Variants in IGF2BP3 observed in about 807,000 individuals in gnomAD.
The protein encoded by IGF2BP3 is insulin-like growth factor 2 mRNA-binding protein 3.
A neutral mutation model predicts 73.8 loss-of-function variants in IGF2BP3; 9 were observed. The observed-to-expected ratio is 0.12, with a 90% CI of 0.07 to 0.21. IGF2BP3 has a LOEUF of 0.21. Among genes scored for constraint, IGF2BP3 ranks in the 10% least tolerant of loss-of-function variants. The pLI, the probability that IGF2BP3 is intolerant of heterozygous loss-of-function variation, is 1.00. For missense variants in IGF2BP3, 542 were observed against 714.0 expected, an observed-to-expected ratio of 0.76 and a Z score of 2.75; for synonymous variants, 258 against 256.7, an observed-to-expected ratio of 1.01 and a Z score of -0.05.
intron 10 of IGF2BP3, among the ~76,000 whole-genome samples, chr7:23,338,658 T>C (rs931026583): frequency 2.6e-5 from 4 of 152,204 alleles, no homozygotes; most frequent in Admixed American, 6.5e-5. Context: ...TGGCTACACA[T>C]TGGAGTCATC....
chr7:23,380,283 C>A (rs1653495521), intron 3 of IGF2BP3, among the ~76,000 whole-genome samples: 2 of 151,690 alleles, frequency 1.3e-5, no homozygotes, highest in Admixed American at 6.6e-5. Flanking sequence ...CCTGCCTCAG[C>A]CTCCCGAGTA....
At chr7:23,326,248 T>G (rs1784291579) in intron 10 of IGF2BP3, among the ~76,000 whole-genome samples, 1 of 152,100 alleles carries the variant, frequency 6.6e-6, no homozygotes, top group Non-Finnish European at 1.5e-5. Context: ...CATCAAAAAG[T>G]GGGCCAAGGA....
At chr7:23,329,046 A>G (rs924836903) in intron 10 of IGF2BP3, among the ~76,000 whole-genome samples, 4 of 151,894 alleles carry the variant, frequency 2.6e-5, no homozygotes, top group African/African-American at 9.7e-5. Context: ...CGTCTCTGCT[A>G]AAAAAGAAAT....
At chr7:23,318,986 G>C (rs1386092882) in intron 11 of IGF2BP3, 152 bp downstream of exon 11, 2 of 589,944 alleles carry the variant, frequency 3.4e-6, no homozygotes, top group Non-Finnish European at 6.0e-6. Context: ...AGCCTCCTTG[G>C]TGTAAGCCAC....
intron 10 of IGF2BP3, among the ~76,000 whole-genome samples, chr7:23,336,758 GCAAA>G (rs1784583963): frequency 6.6e-6 from 1 of 152,108 alleles, no homozygotes; most frequent in Admixed American, 6.6e-5. Context: ...GACCAGCCTG[GCAAA>G]CATGGTAAAA....
chr7:23,442,095 C>G (rs1787950445), intron 2 of IGF2BP3, among the ~76,000 whole-genome samples: 1 of 152,124 alleles, frequency 6.6e-6, no homozygotes, highest in Non-Finnish European at 1.5e-5. Flanking sequence ...CCATTGCACT[C>G]CAGCCTGGGC....
chr7:23,375,967 T>C (rs1785704248), intron 3 of IGF2BP3, among the ~76,000 whole-genome samples: 1 of 152,216 alleles, frequency 6.6e-6, no homozygotes, highest in Admixed American at 6.5e-5. Context: ...AATCTCTCAC[T>C]ACCGACTTAT....
At chr7:23,413,832 T>C (rs1787105558) in intron 3 of IGF2BP3, 1 of 152,134 alleles carries the variant, frequency 6.6e-6, no homozygotes, top group South Asian at 2.1e-4. Context: ...CTATATTCCA[T>C]ATATTTGGGA....
chr7:23,465,531 C>CA (rs60607908), intron 2 of IGF2BP3, among the ~76,000 whole-genome samples: 1 of 148,304 alleles, frequency 6.7e-6, no homozygotes, highest in Non-Finnish European at 1.5e-5. Flanking sequence ...GGTCCCCCCC[C>CA]AAGCTCCACT....
intron 3 of IGF2BP3, among the ~76,000 whole-genome samples, chr7:23,395,851 G>A (rs1786439249): frequency 6.6e-6 from 1 of 151,930 alleles, no homozygotes. Flanking sequence ...GCTTGAACCT[G>A]GGAGGCAGAG....
At chr7:23,331,729 G>T (rs184505889) in intron 10 of IGF2BP3, among the ~76,000 whole-genome samples, 1 of 151,916 alleles carries the variant, frequency 6.6e-6, no homozygotes, top group South Asian at 2.1e-4. Flanking sequence ...GCGTGGTGGC[G>T]TGTGCCTGTA....
chr7:23,370,272 G>A (rs1433692049), intron 3 of IGF2BP3, among the ~76,000 whole-genome samples: 1 of 152,186 alleles, frequency 6.6e-6, no homozygotes, highest in Non-Finnish European at 1.5e-5. Context: ...ATTAACCATA[G>A]TGATGTGATT....
At chr7:23,413,839 G>C (rs1225389967) in intron 3 of IGF2BP3, 1 of 152,072 alleles carries the variant, frequency 6.6e-6, no homozygotes, top group Non-Finnish European at 1.5e-5. Context: ...CCATATATTT[G>C]GGAGAAAACA....
chr7:23,449,035 T>C (rs866745602), intron 2 of IGF2BP3, among the ~76,000 whole-genome samples: 10 of 152,278 alleles, frequency 6.6e-5, no homozygotes, highest in Middle Eastern at 6.8e-3. Context: ...CAATATTTTA[T>C]CTTTCATGCA....
intron 2 of IGF2BP3, among the ~76,000 whole-genome samples, chr7:23,465,215 AC>A (rs1424992771): frequency 6.6e-6 from 1 of 152,066 alleles, no homozygotes; most frequent in Non-Finnish European, 1.5e-5. Flanking sequence ...TATTTTCCAC[AC>A]CTACCCTTAC....
chr7:23,361,716 T>G lies in IGF2BP3; in HGVS notation c.311A>C (p.Tyr104Ser), dbSNP rs775544360. The change falls in exon 4 of 15, where the codon TAT becomes TCT. Residue 104 changes from tyrosine to serine, a missense_variant. By Grantham distance (144) the Tyr-to-Ser change is moderately radical. This residue lies in a region of IGF2BP3 where 239 missense variants were observed against 241.9 expected (regional missense o/e 0.99). Transcript: ENST00000258729. ...TTGCTCACAGCTCTCCACCACTCCA[T>G]ACTGGACTAGTAAACTATCCAGCAC... ...WEVLDSLLVQ[Y>S]GVVESCEQVN... The G allele has an allele frequency of 6.2e-7, 1 of 1,613,850 alleles. No homozygotes were observed. Among genetic ancestry groups the G allele is most frequent in the South Asian group, 1.1e-5 (1 of 91,060 alleles).
intron 3 of IGF2BP3, among the ~76,000 whole-genome samples, chr7:23,378,401 G>GTTTTTTTTTTTTTTTT (rs373876363): frequency 0.02 from 2,598 of 127,476 alleles, 232 homozygotes; most frequent in African/African-American, 0.039. Context: ...TCTCTTCTTG[G>GTTTTTTTTTTTTTTTT]TTTTTTTTTG....
chr7:23,322,745 G>A (rs1784192180), intron 10 of IGF2BP3, among the ~76,000 whole-genome samples: 1 of 152,228 alleles, frequency 6.6e-6, no homozygotes, highest in African/African-American at 2.4e-5. Flanking sequence ...CTACAAGCCA[G>A]AAGAGAGTGG....
chr7:23,331,293 T>C (rs1377365919), intron 10 of IGF2BP3, among the ~76,000 whole-genome samples: 1 of 152,216 alleles, frequency 6.6e-6, no homozygotes, highest in Non-Finnish European at 1.5e-5. Context: ...CTTAGAAGTA[T>C]TTGTACCAAG....
Sources: allele counts gnomAD v4.1 joint callset (sites outside exome capture counted in the v4.1 genomes callset), GRCh38; gene constraint gnomAD v4.1.1; regional missense constraint gnomAD v4.1.1; transcripts MANE v1.5; gene names NCBI Gene and HGNC (gene_info 2026-07-23, HGNC 2026-07-21).